Variants in MYOM2 observed in about 807,000 individuals in gnomAD.
The protein encoded by MYOM2 is myomesin 2.
A neutral mutation model predicts 187.6 loss-of-function variants in MYOM2; 254 were observed. The observed-to-expected ratio is 1.35, with a 90% CI of 1.22 to 1.50. MYOM2 has a LOEUF of 1.50. MYOM2 is among the 40% of genes most tolerant of loss of function. MYOM2 has a pLI of 0.00. For synonymous variants in MYOM2, 981 were observed against 753.8 expected, an observed-to-expected ratio of 1.30 and a Z score of -4.94; for missense variants, 2,796 against 1,924.0, an observed-to-expected ratio of 1.45 and a Z score of -8.48.
chr8:2,052,373 A>G, intron 3 of MYOM2, 60 bp downstream of exon 3: 2 of 1,513,176 alleles, frequency 1.3e-6, no homozygotes, highest in Non-Finnish European at 8.8e-7. Flanking sequence ...GTGGAGGGAC[A>G]GTGGGGTGAG....
chr8:2,117,350 T>C lies in MYOM2; in HGVS notation c.3386-535T>C, dbSNP rs557998270. On this transcript the variant is annotated intron_variant, in intron 27 of 36. Transcript: ENST00000262113. ...GTATGACTTATTCCTACATGTATTT[T>C]AAATAAAAATGATTAACATTTTTTA... 7.2e-5 allele frequency among the ~76,000 whole-genome samples: 11 copies of C among 152,360 alleles called. No individual in the cohort carries two copies. In the East Asian group the frequency reaches 1.9e-3, roughly 27 times the overall value.
chr8:2,116,312 A>G, intron 27 of MYOM2, 37 bp downstream of exon 27: 1 of 1,578,154 alleles, frequency 6.3e-7, no homozygotes, highest in Non-Finnish European at 8.6e-7. Flanking sequence ...CCCTGCCCCT[A>G]GCATAAAGCA....
At chr8:2,082,323 G>A (rs770462596) in intron 13 of MYOM2, 5 of 152,134 alleles carry the variant, frequency 3.3e-5, no homozygotes, top group African/African-American at 1.2e-4. Context: ...GTTTCGAAGC[G>A]AACCATTTCG....
chr8:2,086,706 T>C (rs1264953677), intron 14 of MYOM2, among the ~76,000 whole-genome samples: 1 of 151,902 alleles, frequency 6.6e-6, no homozygotes, highest in Non-Finnish European at 1.5e-5. Flanking sequence ...GAGCAGGGAG[T>C]CGCTTCCCTC....
intron 3 of MYOM2, among the ~76,000 whole-genome samples, chr8:2,055,911 G>C (rs1443840154): frequency 6.6e-6 from 1 of 152,162 alleles, no homozygotes; most frequent in Non-Finnish European, 1.5e-5. Context: ...CCTCTTGGTG[G>C]CTCGTGCACA....
intron 17 of MYOM2, among the ~76,000 whole-genome samples, chr8:2,094,772 T>G (rs987010519): frequency 6.6e-6 from 1 of 152,250 alleles, no homozygotes. Context: ...CTTCAGAGAA[T>G]GTCATATTTA....
chr8:2,098,560 T>G (rs1017131480), intron 18 of MYOM2, among the ~76,000 whole-genome samples: 7 of 152,144 alleles, frequency 4.6e-5, no homozygotes, highest in African/African-American at 1.7e-4. Flanking sequence ...GGCCTCAGTT[T>G]CCTTACCTGC....
At chr8:2,099,116 AC>A in intron 19 of MYOM2, 133 bp downstream of exon 19, 1 of 1,235,546 alleles carries the variant, frequency 8.1e-7, no homozygotes, top group South Asian at 1.6e-5. Context: ...CCGCAGAGCC[AC>A]CGTGCGCCAG....
In MYOM2 at chr8:2,065,574, A is replaced by G. The variant is rs1818991945; in HGVS notation, c.654-3704A>G. Among the ~76,000 whole-genome samples the G allele has an allele frequency of 2.6e-5, 4 of 152,306 alleles. No individual in the cohort carries two copies. In the South Asian group the frequency reaches 8.3e-4, roughly 32 times the overall value. ...GACAGTGTGAGACTCCATCTCAACAAAAAAGAGCCTCGGCAACTATTTTTG... is the reference window on the plus strand; with the variant it reads ...GACAGTGTGAGACTCCATCTCAACAGAAAAGAGCCTCGGCAACTATTTTTG... On this transcript the variant is annotated intron_variant, in intron 6 of 36. Coordinates refer to ENST00000262113, the MANE Select transcript of MYOM2 (RefSeq NM_003970.4).
intron 14 of MYOM2, among the ~76,000 whole-genome samples, chr8:2,087,449 G>A (rs572317367): frequency 6.6e-6 from 1 of 152,166 alleles, no homozygotes; most frequent in East Asian, 1.9e-4. Context: ...TCAGGGTAAA[G>A]CATTACATCA....
chr8:2,070,523 C>G (rs775447398), intron 8 of MYOM2, among the ~76,000 whole-genome samples: 1 of 152,196 alleles, frequency 6.6e-6, no homozygotes, highest in Admixed American at 6.5e-5. Context: ...GTGTGTAGCT[C>G]TGGCCCTCAG....
intron 3 of MYOM2, among the ~76,000 whole-genome samples, chr8:2,056,934 A>G (rs1818686119): frequency 6.6e-6 from 1 of 152,172 alleles, no homozygotes; most frequent in African/African-American, 2.4e-5. Context: ...AAGATGAGTA[A>G]CAATGTCTCT....
At chr8:2,120,686 ATAAATATATAAT>A in intron 28 of MYOM2, among the ~76,000 whole-genome samples, 1 of 77,010 alleles carries the variant, frequency 1.3e-5, no homozygotes, top group African/African-American at 4.5e-5. Context: ...TATATTATAT[ATAAATATATAAT>A]ATATATATTT....
In MYOM2 at chr8:2,106,503, C is replaced by G. The variant is rs1247877213; in HGVS notation, c.2904C>G (p.Tyr968Ter). The G allele has an allele frequency of 1.2e-6, 2 of 1,612,354 alleles. No individual in the cohort carries two copies. The highest frequency in any genetic ancestry group is 1.7e-6 in the Non-Finnish European group (2 of 1,178,500). ...IETVGDHSKL[Y>*]LKNPDKEDLG... ...TCTTCCTTTTTAGCTCCAAGCTGTA[C>G]TTAAAGAATCCGGATAAGGAGGATT... The change falls in exon 23 of 37, where the codon TAC (tyrosine) becomes TAG (stop). Residue 968 changes from tyrosine to a stop codon, truncating the protein, a stop_gained. Coordinates refer to ENST00000262113, the MANE Select transcript of MYOM2 (RefSeq NM_003970.4). LOFTEE classifies it high-confidence loss of function.
intron 15 of MYOM2, among the ~76,000 whole-genome samples, chr8:2,091,854 T>C (rs1432034451): frequency 6.6e-6 from 1 of 152,196 alleles, no homozygotes; most frequent in Non-Finnish European, 1.5e-5. Context: ...CCCAAGGCCT[T>C]ACCTGACCTC....
At chr8:2,090,676 G>C (rs943827399) in intron 15 of MYOM2, among the ~76,000 whole-genome samples, 1 of 152,058 alleles carries the variant, frequency 6.6e-6, no homozygotes, top group Non-Finnish European at 1.5e-5. Context: ...GTGTCCATGT[G>C]TTCTCATCAT....
chr8:2,101,363 C>G (rs1796703340), intron 20 of MYOM2, among the ~76,000 whole-genome samples: 2 of 152,124 alleles, frequency 1.3e-5, no homozygotes, highest in African/African-American at 2.4e-5. Flanking sequence ...AAAAACAAAA[C>G]ACACACACAA....
chr8:2,062,336 G>A (rs963302771), intron 6 of MYOM2, among the ~76,000 whole-genome samples: 1 of 152,232 alleles, frequency 6.6e-6, no homozygotes, highest in Non-Finnish European at 1.5e-5. Flanking sequence ...TGCAGGGCCT[G>A]GCAGGCCTGG....
At chr8:2,121,271 G>C (rs1797445102) in intron 28 of MYOM2, among the ~76,000 whole-genome samples, 1 of 152,108 alleles carries the variant, frequency 6.6e-6, no homozygotes, top group South Asian at 2.1e-4. Flanking sequence ...TTATGGTGCT[G>C]GTTTATTCTT....
Sources: gnomAD v4.1 joint callset for allele counts (sites outside exome capture counted in the v4.1 genomes callset) on GRCh38, gnomAD v4.1.1 for gene constraint, MANE v1.5 for transcripts, NCBI Gene and HGNC (gene_info 2026-07-23, HGNC 2026-07-21) for gene names.